Variants in FUS observed in about 807,000 individuals in gnomAD.
The protein encoded by FUS is RNA-binding protein FUS.
A neutral mutation model predicts 82.7 loss-of-function variants in FUS; 5 were observed. The ratio of observed to expected loss-of-function variants is 0.06; its 90% CI spans 0.03 to 0.13. The LOEUF is 0.13. FUS is among the 10% of genes least tolerant of loss of function. The pLI, the probability that FUS is intolerant of heterozygous loss-of-function variation, is 1.00. For missense variants in FUS, 512 were observed against 707.8 expected (o/e 0.72, Z 3.14); for synonymous variants, 281 against 247.4 (o/e 1.14, Z -1.27).
At chr16:31,190,236 G>A (rs1226317070) in intron 11 of FUS, 39 bp from the exon 12 acceptor site, 13 of 1,613,826 alleles carry the variant, frequency 8.1e-6, no homozygotes. Context: ...TACCAAACTT[G>A]GAGAGGGAGC....
intron 1 of FUS, among the ~76,000 whole-genome samples, chr16:31,182,001 CTATTTT>C (rs1175077712): frequency 6.6e-6 from 1 of 151,736 alleles, no homozygotes; most frequent in Non-Finnish European, 1.5e-5. Context: ...CAACATGGTC[CTATTTT>C]TATTTTTTTT....
intron 1 of FUS, among the ~76,000 whole-genome samples, chr16:31,181,363 G>T (rs944867886): frequency 2.6e-5 from 4 of 152,174 alleles, no homozygotes; most frequent in African/African-American, 9.7e-5. Flanking sequence ...TATCTTAAGT[G>T]GGGCTTTTCA....
intron 6 of FUS, chr16:31,185,744 C>T (rs2079259972): frequency 3.0e-6 from 1 of 334,184 alleles, no homozygotes; most frequent in Admixed American, 3.8e-5. Context: ...AGTAAGCAGA[C>T]CTTTTGGGCA....
intron 7 of FUS, chr16:31,187,692 G>A (rs2079290539): frequency 4.3e-6 from 1 of 233,912 alleles, no homozygotes; most frequent in African/African-American, 2.2e-5. Flanking sequence ...ATAAACATTG[G>A]TCAAAGATGG....
intron 8 of FUS, 195 bp downstream of exon 8, chr16:31,188,552 C>T (rs1462662681): frequency 1.5e-6 from 1 of 658,762 alleles, no homozygotes; most frequent in Non-Finnish European, 2.6e-6. Flanking sequence ...CTTGTGGGTT[C>T]CACCCCCAGT....
downstream of FUS, chr16:31,191,714 G>T (rs1253682758): frequency 1.5e-6 from 1 of 668,998 alleles, no homozygotes; most frequent in African/African-American, 1.8e-5. Context: ...CTGGAATACA[G>T]TGTTCGGGGA....
chr16:31,189,346 C>G, intron 9 of FUS, 120 bp downstream of exon 9: 1 of 875,426 alleles, frequency 1.1e-6, no homozygotes, highest in Non-Finnish European at 1.9e-6. Flanking sequence ...GTGGTTGTTG[C>G]CAGCTTAATT....
chr16:31,184,472 C>G, intron 5 of FUS, 76 bp downstream of exon 5: 1 of 1,351,824 alleles, frequency 7.4e-7, no homozygotes, highest in Non-Finnish European at 1.0e-6. Flanking sequence ...GAGTCTTGCT[C>G]TGTCTCTGTT....
chr16:31,191,340 T>G, intron 14 of FUS, 59 bp from the exon 15 acceptor site: 1 of 1,603,990 alleles, frequency 6.2e-7, no homozygotes. Flanking sequence ...ATATCTAGGC[T>G]TGGAGAGGCT....
chr16:31,184,790 A>G, intron 5 of FUS, 149 bp from the exon 6 acceptor site: 1 of 833,386 alleles, frequency 1.2e-6, no homozygotes, highest in African/African-American at 1.7e-5. Flanking sequence ...GTTTTAGCTT[A>G]AAAGAGGGTT....
intron 1 of FUS, 148 bp downstream of exon 1, chr16:31,180,375 A>G: frequency 2.0e-6 from 2 of 1,006,384 alleles, no homozygotes; most frequent in Non-Finnish European, 3.0e-6. Flanking sequence ...GAGTAACTGG[A>G]GGAGGCTGGT....
chr16:31,194,277 A>G (rs554692137), downstream of FUS: 5 of 528,810 alleles, frequency 9.5e-6, no homozygotes, highest in East Asian at 1.6e-4. Context: ...TCTTCCTTCC[A>G]GTCTCATCCT....
chr16:31,186,542 A>AT (rs945775841), intron 6 of FUS: 50 of 554,690 alleles, frequency 9.0e-5, no homozygotes, highest in Middle Eastern at 4.8e-4. Context: ...AAAATGGGTT[A>AT]TTTTTTTTCC....
chr16:31,194,221 G>A, downstream of FUS: 2 of 531,748 alleles, frequency 3.8e-6, no homozygotes, highest in Non-Finnish European at 3.6e-6. Context: ...AAGGTCTAGG[G>A]TCCAGCCCAT....
intron 6 of FUS, chr16:31,186,365 C>T (rs2079269625): frequency 5.8e-6 from 2 of 344,256 alleles, no homozygotes; most frequent in Non-Finnish European, 1.1e-5. Flanking sequence ...GGTCTGCTTG[C>T]TGCTTTCAAA....
At chr16:31,186,728 T>TA in intron 6 of FUS, 74 bp from the exon 7 acceptor site, 2 of 1,453,704 alleles carry the variant, frequency 1.4e-6, no homozygotes, top group Non-Finnish European at 1.9e-6. Flanking sequence ...TGGGGAATGT[T>TA]AAACAAAATC....
Position 31,190,082 on chromosome 16 carries a change from C to T in FUS, c.1109C>T (p.Thr370Ile). Reference sequence around the variant, plus strand: ...AATCCTATCAAGGTCTCATTTGCTACTCGCCGGGCAGACTTTAATCGGGGT... The same window carrying T: ...AATCCTATCAAGGTCTCATTTGCTATTCGCCGGGCAGACTTTAATCGGGGT... Reference protein sequence around the residue: ...SGNPIKVSFATRRADFNRGGG... With the variant: ...SGNPIKVSFAIRRADFNRGGG... The change falls in exon 11 of 15, where the codon ACT (threonine) becomes ATT (isoleucine). Residue 370 changes from threonine (T) to isoleucine (I), a missense_variant. Around this residue, in one of 6 missense-constraint regions of FUS, gnomAD observed 26 missense variants for 109.3 expected, o/e 0.24. Coordinates refer to ENST00000254108, the MANE Select transcript of FUS (RefSeq NM_004960.4). 6.2e-7 allele frequency: 1 copy of T among 1,614,062 alleles called. No homozygotes were observed. Among genetic ancestry groups the T allele is most frequent in the Non-Finnish European group, 8.5e-7 (1 of 1,179,974 alleles).
chr16:31,192,652 C>G, downstream of FUS: 1 of 483,654 alleles, frequency 2.1e-6, no homozygotes, highest in South Asian at 1.5e-5. Context: ...CCTCTGCCTC[C>G]TGAGTTTAAG....
chr16:31,180,372 TGGA>T, intron 1 of FUS, 145 bp downstream of exon 1: 1 of 1,029,706 alleles, frequency 9.7e-7, no homozygotes, highest in South Asian at 1.4e-5. Context: ...GAAGAGTAAC[TGGA>T]GGAGGCTGGT....
Sources: gnomAD v4.1 joint callset for allele counts (sites outside exome capture counted in the v4.1 genomes callset) on GRCh38, gnomAD v4.1.1 for gene constraint, gnomAD v4.1.1 regional missense constraint, MANE v1.5 for transcripts, NCBI Gene and HGNC (gene_info 2026-07-23, HGNC 2026-07-21) for gene names.